OSGIN1: variants seen among roughly 807,000 people sequenced by gnomAD.
OSGIN1 encodes the protein oxidative stress induced growth inhibitor 1, also known as oxidative stress-induced growth inhibitor 1.
In OSGIN1, 19 loss-of-function variants were observed where a neutral mutation model predicts 20.1. That is an observed-to-expected ratio of 0.95 (90% CI 0.66 to 1.39). The LOEUF is 1.39. OSGIN1 is among the 40% of genes most tolerant of loss of function. The pLI, the probability that OSGIN1 is intolerant of heterozygous loss-of-function variation, is 0.00. For missense variants in OSGIN1, 820 were observed against 653.0 expected, an observed-to-expected ratio of 1.26 and a Z score of -2.79; for synonymous variants, 368 against 297.8, an observed-to-expected ratio of 1.24 and a Z score of -2.43.
chr16:83,957,719 C>A lies in OSGIN1; in HGVS notation c.48C>A (p.Pro16=). The A allele has an allele frequency of 6.3e-7, 1 of 1,599,656 alleles. No homozygotes were observed. Among genetic ancestry groups the A allele is most frequent in the South Asian group, 1.1e-5 (1 of 89,110 alleles). The change falls in exon 2 of 6, where the codon CCC becomes CCA. Residue 16 remains proline (P), a synonymous_variant. Coordinates refer to ENST00000393306, the MANE Select transcript of OSGIN1 (RefSeq NM_182981.3). ...KDHLGASSSE[P]LPVIIVGNGP... ...ACCTCGGCGCCAGCAGCTCAGAGCCCCTCCCGGTCATCATTGTGGGTGAGT... is the reference window on the plus strand; with the variant it reads ...ACCTCGGCGCCAGCAGCTCAGAGCCACTCCCGGTCATCATTGTGGGTGAGT...
At chr16:83,955,573 C>A (rs1319643985) in intron 1 of OSGIN1, among the ~76,000 whole-genome samples, 8 of 152,200 alleles carry the variant, frequency 5.3e-5, no homozygotes, top group African/African-American at 1.9e-4. Context: ...AGAGTACTTA[C>A]AACAACCCGA....
At chr16:83,963,137 A>G (rs1010472227) in intron 5 of OSGIN1, among the ~76,000 whole-genome samples, 3 of 152,192 alleles carry the variant, frequency 2.0e-5, no homozygotes, top group Non-Finnish European at 4.4e-5. Flanking sequence ...GTCCCCCTCC[A>G]GGCCTCACTA....
intron 1 of OSGIN1, among the ~76,000 whole-genome samples, chr16:83,953,873 C>T (rs1423676628): frequency 6.6e-6 from 1 of 152,212 alleles, no homozygotes; most frequent in Non-Finnish European, 1.5e-5. Flanking sequence ...GTTGGGAGGG[C>T]GGCCCCTGGG....
In OSGIN1 at chr16:83,961,026, G is replaced by A. The variant is rs752901872; in HGVS notation, c.442G>A (p.Gly148Arg). The A allele has an allele frequency of 5.6e-6, 9 of 1,613,508 alleles. No homozygotes were observed. The East Asian group carries it at 1.8e-4, about 32-fold the overall frequency. The change falls in exon 5 of 6, where the codon GGG becomes AGG. Residue 148 changes from glycine (G) to arginine (R), a missense_variant. Coordinates refer to ENST00000393306, the MANE Select transcript of OSGIN1 (RefSeq NM_182981.3). ...MVILSQGQWM[G>R]LPDLEVKDWM... is the part of the protein sequence containing the mutation. ...GATCCTGAGCCAAGGCCAGTGGATG[G>A]GGCTCCCGGACCTGGAGGTCAAGGA...
chr16:83,964,999 T>TCCCCCCCCC, intron 5 of OSGIN1, 63 bp from the exon 6 acceptor site: 4 of 645,892 alleles, frequency 6.2e-6, no homozygotes, highest in Non-Finnish European at 8.2e-6. Flanking sequence ...ACATCTCCCG[T>TCCCCCCCCC]CCCACCCAGC....
At chr16:83,958,797 T>G (rs2151076270) in intron 2 of OSGIN1, among the ~76,000 whole-genome samples, 1 of 152,322 alleles carries the variant, frequency 6.6e-6, no homozygotes, top group Non-Finnish European at 1.5e-5. Context: ...CCAGGCCACG[T>G]AGCAATCTGT....
At chr16:83,963,027 G>C (rs1329324440) in intron 5 of OSGIN1, among the ~76,000 whole-genome samples, 1 of 152,166 alleles carries the variant, frequency 6.6e-6, no homozygotes, top group Non-Finnish European at 1.5e-5. Flanking sequence ...AGCTGCCCCA[G>C]CGCAGATACC....
chr16:83,956,170 C>T (rs1386351141), intron 1 of OSGIN1, among the ~76,000 whole-genome samples: 1 of 152,206 alleles, frequency 6.6e-6, no homozygotes, highest in Non-Finnish European at 1.5e-5. Context: ...GGGGGCGACA[C>T]ATAGGTCCTC....
rs568243765 is a variant in OSGIN1 at position 83,960,563 on chromosome 16, C to T, written c.205-6C>T. 156 of 1,612,152 alleles carry T rather than the reference C, an allele frequency of 9.7e-5. No individual in the cohort carries two copies. The African/African-American group carries it at 1.3e-3, about 13-fold the overall frequency. On this transcript the variant is annotated splice_region_variant and splice_polypyrimidine_tract_variant and intron_variant, in intron 3 of 5. Coordinates refer to ENST00000393306, the MANE Select transcript of OSGIN1 (RefSeq NM_182981.3). ...AGCAGCCCCTCTGACCTATGCCCCC[C>T]TCCAGGACCTGGACTACCTGTCCGA...
At position 83,964,370 on chromosome 16, in the gene OSGIN1, G is replaced by A. The variant is rs577038141; in HGVS notation, c.489-692G>A. Among the ~76,000 whole-genome samples, 10 of 152,094 alleles carry A rather than the reference G, an allele frequency of 6.6e-5. No homozygotes were observed. In the South Asian group the frequency reaches 1.9e-3, roughly 29 times the overall value. On this transcript the variant is annotated intron_variant, in intron 5 of 5. Transcript: ENST00000393306. ...AAATTGGCTACATATAGAAAAGTACGTAACTCCTGTGAGTACAGGTTGATG... is the reference window on the plus strand; with the variant it reads ...AAATTGGCTACATATAGAAAAGTACATAACTCCTGTGAGTACAGGTTGATG...
chr16:83,962,376 C>T (rs1312396177), intron 5 of OSGIN1, among the ~76,000 whole-genome samples: 1 of 152,160 alleles, frequency 6.6e-6, no homozygotes, highest in Admixed American at 6.5e-5. Context: ...GTAGCTGGGA[C>T]TACAGGTGCC....
chr16:83,955,083 C>G (rs1375132323), intron 1 of OSGIN1, among the ~76,000 whole-genome samples: 1 of 152,134 alleles, frequency 6.6e-6, no homozygotes, highest in African/African-American at 2.4e-5. Flanking sequence ...AAGTGGGTTG[C>G]TAGGAGGATC....
At chr16:83,962,128 G>C (rs374676195) in intron 5 of OSGIN1, among the ~76,000 whole-genome samples, 1 of 151,858 alleles carries the variant, frequency 6.6e-6, no homozygotes, top group African/African-American at 2.4e-5. Context: ...TCACTCCTGG[G>C]GTATTTTTTC....
chr16:83,959,285 G>A lies in OSGIN1; in HGVS notation c.93G>A (p.Leu31=). The change falls in exon 3 of 6, where the codon CTG becomes CTA. Residue 31 remains leucine (L), a synonymous_variant. Coordinates refer to ENST00000393306, the MANE Select transcript of OSGIN1 (RefSeq NM_182981.3). The part of the protein sequence containing the change: ...IVGNGPSGIC[L]SYLLSGYTPY... ...GTAACGGCCCCTCTGGTATCTGCCT[G>A]TCCTACCTGCTCTCCGGCTACACAC... The A allele has an allele frequency of 1.2e-6, 2 of 1,613,350 alleles. No individual in the cohort carries two copies. The highest frequency in any genetic ancestry group is 1.3e-5 in the African/African-American group (1 of 74,778).
intron 2 of OSGIN1, among the ~76,000 whole-genome samples, chr16:83,958,222 G>T (rs1049188885): frequency 5.3e-5 from 8 of 152,196 alleles, no homozygotes; most frequent in East Asian, 1.9e-4. Flanking sequence ...GCCATTGAGC[G>T]TTTACTATGT....
rs149907599 is a variant in OSGIN1 at position 83,965,713 on chromosome 16, C to T, written c.1140C>T (p.Leu380=). ...ACTGCCAGGCCGTGTTCCAGGACCT[C>T]GAGGGTGTCGAGAAGGTGTTTGGGG... is the stretch of plus-strand genomic sequence containing the variant. ...KEDCQAVFQD[L]EGVEKVFGVS... Residue 380 remains leucine (L), a synonymous_variant, in exon 6 of 6, where the codon CTC becomes CTT. Transcript: ENST00000393306. The T allele has an allele frequency of 2.7e-4, 439 of 1,613,626 alleles. 1 individual carries two copies. In the African/African-American group the frequency reaches 5.0e-3, roughly 18 times the overall value.
chr16:83,955,353 A>G (rs1908877466), intron 1 of OSGIN1, among the ~76,000 whole-genome samples: 1 of 152,158 alleles, frequency 6.6e-6, no homozygotes, highest in African/African-American at 2.4e-5. Flanking sequence ...CCCGCCTGCC[A>G]CTAGCGCTGC....
chr16:83,964,410 A>C lies in OSGIN1; in HGVS notation c.489-652A>C, dbSNP rs191043027. Among the ~76,000 whole-genome samples the C allele has an allele frequency of 1.1e-3, 166 of 152,318 alleles. 1 individual carries two copies. The highest frequency in any genetic ancestry group is 3.8e-3 in the African/African-American group (159 of 41,566). ...ACAGGTTGATGAAATTTCTCAAGGT[A>C]AGCACAGAGAATGAAGAAGCAGGCC... On this transcript the variant is annotated intron_variant, in intron 5 of 5. Coordinates refer to ENST00000393306, the MANE Select transcript of OSGIN1 (RefSeq NM_182981.3).
chr16:83,955,533 T>A (rs1420410350), intron 1 of OSGIN1, among the ~76,000 whole-genome samples: 2 of 152,098 alleles, frequency 1.3e-5, no homozygotes, highest in Non-Finnish European at 2.9e-5. Flanking sequence ...TTGCAAACTA[T>A]AAAGGGCGGT....
Sources: allele counts gnomAD v4.1 joint callset (sites outside exome capture counted in the v4.1 genomes callset), GRCh38; gene constraint gnomAD v4.1.1; transcripts MANE v1.5; gene names NCBI Gene and HGNC (gene_info 2026-07-23, HGNC 2026-07-21).